SLC26A7: variants seen among roughly 807,000 people sequenced by gnomAD.
The protein encoded by SLC26A7 is anion exchange transporter.
Under a neutral mutation model 82.5 loss-of-function variants are expected in SLC26A7, and 59 were observed. The ratio of observed to expected loss-of-function variants is 0.72; its 90% CI spans 0.58 to 0.89. SLC26A7 has a LOEUF of 0.89. Ranked by LOEUF, SLC26A7 falls within the 40% of genes least tolerant of loss-of-function variation. The probability of loss-of-function intolerance (pLI) is 0.00; values close to 1 mark genes in which losing one functional copy is unlikely to be tolerated. For missense variants in SLC26A7, 820 were observed against 793.0 expected, an observed-to-expected ratio of 1.03 and a Z score of -0.41; for synonymous variants, 271 against 274.3, an observed-to-expected ratio of 0.99 and a Z score of 0.12.
At chr8:91,296,333 G>A (rs1041923946) in intron 4 of SLC26A7, among the ~76,000 whole-genome samples, 34 of 152,146 alleles carry the variant, frequency 2.2e-4, no homozygotes, top group Admixed American at 7.2e-4. Flanking sequence ...AATAAATGTA[G>A]ACAGGCACTG....
chr8:91,236,912 T>C (rs1259301955), intron 2 of SLC26A7, among the ~76,000 whole-genome samples: 2 of 152,250 alleles, frequency 1.3e-5, no homozygotes, highest in African/African-American at 4.8e-5. Flanking sequence ...CTAATATTTA[T>C]CAATTGCTTA....
At chr8:91,246,700 T>TA (rs1206713399), upstream of SLC26A7, among the ~76,000 whole-genome samples, 6,274 of 128,770 alleles carry the variant, frequency 0.049, 384 homozygotes, top group African/African-American at 0.15. Flanking sequence ...GACTCTGTCT[T>TA]AAAAAAAAAA....
intron 15 of SLC26A7, among the ~76,000 whole-genome samples, chr8:91,387,140 C>T (rs1270646458): frequency 1.3e-5 from 2 of 152,074 alleles, no homozygotes; most frequent in African/African-American, 4.8e-5. Flanking sequence ...TATGACCAGT[C>T]AACATTCCAC....
chr8:91,388,985 C>G (rs1257968857), intron 15 of SLC26A7, among the ~76,000 whole-genome samples: 2 of 152,088 alleles, frequency 1.3e-5, no homozygotes, highest in Non-Finnish European at 2.9e-5. Flanking sequence ...TTCAGAATGT[C>G]TAGAGACTTT....
In SLC26A7 at chr8:91,395,883, A is replaced by G. The variant is rs575147986; in HGVS notation, c.*786A>G. The G allele has an allele frequency of 4.6e-5, 7 of 152,232 alleles. No homozygotes were observed. The highest frequency in any genetic ancestry group is 1.3e-4 in the Admixed American group (2 of 15,286). The allele number at this position is 152,232 out of a possible 1,614,324, so 9.4% of individuals were successfully genotyped here. A position where few individuals can be genotyped will look rare whatever the true frequency, so the allele number is the denominator to read the frequency against. ...TGAAGCTTTGTTGGAGAAAGAGAAT[A>G]TGAAAATTACACATTTTATAATTTT... On this transcript the variant is annotated 3_prime_UTR_variant, in exon 19 of 19. Transcript: ENST00000276609.
At chr8:91,288,856 A>G (rs1811784313) in intron 2 of SLC26A7, among the ~76,000 whole-genome samples, 1 of 152,170 alleles carries the variant, frequency 6.6e-6, no homozygotes, top group African/African-American at 2.4e-5. Flanking sequence ...TGTCCAACCT[A>G]CCATTCAACA....
intron 2 of SLC26A7, among the ~76,000 whole-genome samples, chr8:91,283,104 G>A (rs1451813821): frequency 6.6e-6 from 1 of 152,154 alleles, no homozygotes; most frequent in African/African-American, 2.4e-5. Flanking sequence ...GAACTTTTGT[G>A]TAAGGAAAAC....
At chr8:91,294,213 C>T (rs763675098) in intron 3 of SLC26A7, among the ~76,000 whole-genome samples, 1 of 152,138 alleles carries the variant, frequency 6.6e-6, no homozygotes, top group Non-Finnish European at 1.5e-5. Context: ...TGAATAGCTA[C>T]CATTTATCAG....
intron 1 of SLC26A7, among the ~76,000 whole-genome samples, chr8:91,213,610 G>T (rs1011995685): frequency 1.3e-5 from 2 of 152,298 alleles, no homozygotes; most frequent in Non-Finnish European, 2.9e-5. Context: ...AGAGGTAAAA[G>T]ATATTAGCAA....
At chr8:91,259,739 A>T (rs71528791) in intron 2 of SLC26A7, among the ~76,000 whole-genome samples, 9,801 of 152,128 alleles carry the variant, frequency 0.064, 381 homozygotes, top group African/African-American at 0.1. Context: ...CTTTCACCTG[A>T]TTATAACCTA....
rs34306717 is a variant in SLC26A7, at chr8:91,332,491, T to TACACACACAC, written c.643-1770_643-1761dup. Among the ~76,000 whole-genome samples the TACACACACAC allele has an allele frequency of 6.7e-3, 844 of 125,180 alleles. 8 individuals are homozygous for TACACACACAC. The highest frequency in any genetic ancestry group is 0.02 in the African/African-American group (666 of 33,452). The allele number at this position is 125,180 out of a possible 152,430, so 82.1% of individuals were successfully genotyped here. On this transcript the variant is annotated intron_variant, in intron 5 of 18. Transcript: ENST00000276609. ...ATATATATTCTGTATATATATTTAA[T>TACACACACAC]ACACACACACACACACACACACACA... is the stretch of plus-strand genomic sequence containing the variant.
At chr8:91,262,075 G>A (rs1362140301) in intron 2 of SLC26A7, among the ~76,000 whole-genome samples, 1 of 152,064 alleles carries the variant, frequency 6.6e-6, no homozygotes, top group East Asian at 1.9e-4. Context: ...TCTTGGAGGA[G>A]GTGGTAGACA....
At chr8:91,389,489 C>A in intron 16 of SLC26A7, 51 bp downstream of exon 16, 1 of 1,307,446 alleles carries the variant, frequency 7.6e-7, no homozygotes, top group Non-Finnish European at 1.1e-6. Flanking sequence ...TGTTCAGTAA[C>A]AGGGGTTTTC....
chr8:91,366,653 C>G lies in SLC26A7; in HGVS notation c.1562C>G (p.Thr521Ser). Residue 521 changes from threonine (T) to serine (S), a missense_variant, in exon 14 of 19, where the codon ACT becomes AGT. Coordinates refer to ENST00000276609, the MANE Select transcript of SLC26A7 (RefSeq NM_052832.4). The stretch of plus-strand genomic sequence containing the variant: ...TTCCTGAATGCAAAAAAATTTTATA[C>G]TGATTTAATGAACATGATCCAAAAG... ...LVFLNAKKFY[T>S]DLMNMIQKEN... 1 of 1,613,570 alleles carries G rather than the reference C, an allele frequency of 6.2e-7. No homozygotes were observed. The highest frequency in any genetic ancestry group is 2.2e-5 in the East Asian group (1 of 44,792).
intron 11 of SLC26A7, among the ~76,000 whole-genome samples, chr8:91,360,770 G>T (rs1018434824): frequency 4.6e-5 from 7 of 152,042 alleles, no homozygotes; most frequent in Non-Finnish European, 2.9e-5. Context: ...GACTTATAAA[G>T]CTTTTGGTGA....
In SLC26A7 at chr8:91,312,905, A is replaced by G. The variant is rs564174949; in HGVS notation, c.478-5311A>G. 4.5e-4 allele frequency among the ~76,000 whole-genome samples: 68 copies of G among 152,240 alleles called. 2 individuals carry two copies. In the South Asian group the frequency reaches 0.014, roughly 31 times the overall value. On this transcript the variant is annotated intron_variant, in intron 4 of 18. Transcript: ENST00000276609. ...TTCTGGATATTAACACTTATCAGAT[A>G]TATGATTTGCAAATGTTTTCTCCCA...
intron 11 of SLC26A7, among the ~76,000 whole-genome samples, chr8:91,358,966 A>T (rs971998228): frequency 6.6e-6 from 1 of 152,190 alleles, no homozygotes; most frequent in Non-Finnish European, 1.5e-5. Context: ...GAATTAGGAG[A>T]TATACCTAAT....
chr8:91,211,620 T>TTA (rs1809925048), intron 1 of SLC26A7, among the ~76,000 whole-genome samples: 1 of 129,234 alleles, frequency 7.7e-6, no homozygotes, highest in Non-Finnish European at 1.7e-5. Context: ...ATATATATTT[T>TTA]TTTTTTATTT....
intron 15 of SLC26A7, among the ~76,000 whole-genome samples, chr8:91,383,353 A>G (rs1356760016): frequency 2.6e-5 from 4 of 152,160 alleles, no homozygotes; most frequent in African/African-American, 9.6e-5. Context: ...AGGTAGGACA[A>G]TGGTAAACTT....
Sources: gnomAD v4.1 joint callset for allele counts (sites outside exome capture counted in the v4.1 genomes callset) on GRCh38, gnomAD v4.1.1 for gene constraint, MANE v1.5 for transcripts, NCBI Gene and HGNC (gene_info 2026-07-23, HGNC 2026-07-21) for gene names.